Variants in PLCB1 observed in about 807,000 individuals in gnomAD.
PLCB1 encodes the protein phospholipase C beta 1.
A neutral mutation model predicts 161.8 loss-of-function variants in PLCB1; 46 were observed. The ratio of observed to expected loss-of-function variants is 0.28; its 90% CI spans 0.22 to 0.36. PLCB1 has a LOEUF of 0.36. Ranked by LOEUF, PLCB1 falls within the 10% of genes least tolerant of loss-of-function variation. The pLI is 1.00. For synonymous variants in PLCB1, 517 were observed against 503.7 expected (o/e 1.03, Z -0.35); for missense variants, 1,016 against 1,472.5 (o/e 0.69, Z 5.07).
At chr20:8,226,995 C>T (rs1234673631) in intron 2 of PLCB1, among the ~76,000 whole-genome samples, 1 of 152,080 alleles carries the variant, frequency 6.6e-6, no homozygotes, top group Non-Finnish European at 1.5e-5. Context: ...CCAAGTAAAA[C>T]CAATTTTTAA....
chr20:8,430,868 G>A (rs932919995), intron 3 of PLCB1, among the ~76,000 whole-genome samples: 1 of 152,070 alleles, frequency 6.6e-6, no homozygotes, highest in African/African-American at 2.4e-5. Context: ...TGAGGCAGGA[G>A]GCTCTCTTGA....
intron 9 of PLCB1, among the ~76,000 whole-genome samples, chr20:8,677,269 A>T (rs949261761): frequency 6.6e-6 from 1 of 151,934 alleles, no homozygotes; most frequent in African/African-American, 2.4e-5. Context: ...ATGGTGGTGC[A>T]TGCCTGTAAT....
rs776762609 is a variant in PLCB1, at chr20:8,765,170, G to A, written c.2742G>A (p.Lys914=). 28 of 1,613,728 alleles carry A rather than the reference G, an allele frequency of 1.7e-5. 1 individual carries two copies. The Admixed American group carries it at 2.3e-4, about 13-fold the overall frequency. Residue 914 remains lysine, a synonymous_variant, in exon 26 of 32, where the codon AAG becomes AAA. Transcript: ENST00000338037. ...AAGCACAGACCATCGAAGAACTAAA[G>A]CAACAGAAATCGTTTGTGAAACTTC... ...EVEAQTIEEL[K]QQKSFVKLQK...
chr20:8,377,215 G>A (rs1171794724), intron 3 of PLCB1, among the ~76,000 whole-genome samples: 1 of 152,126 alleles, frequency 6.6e-6, no homozygotes, highest in African/African-American at 2.4e-5. Context: ...GCTTTACAGA[G>A]CCATAGTGGG....
chr20:8,644,929 C>A (rs111903345), intron 4 of PLCB1, among the ~76,000 whole-genome samples: 30 of 152,086 alleles, frequency 2.0e-4, no homozygotes, highest in African/African-American at 7.0e-4. Context: ...GATGGTTGCC[C>A]TGTCTGTGTA....
chr20:8,306,159 T>C (rs1984127554), intron 2 of PLCB1, among the ~76,000 whole-genome samples: 1 of 152,256 alleles, frequency 6.6e-6, no homozygotes, highest in African/African-American at 2.4e-5. Context: ...CATTATAGAA[T>C]GAATTGCTTC....
Position 8,851,398 on chromosome 20 carries a change from T to A in PLCB1, c.3424-30224T>A, listed in dbSNP as rs943330514. ...ATGTGTTTGCTTATATAAACTTGCT[T>A]CAACAGGCCACAGTAGCCTAGGAGG... On this transcript the variant is annotated intron_variant, in intron 31 of 31. Transcript: ENST00000338037. Among the ~76,000 whole-genome samples, 24 of 152,356 alleles carry A rather than the reference T, an allele frequency of 1.6e-4. 1 individual carries two copies. Among genetic ancestry groups the A allele is most frequent in the African/African-American group, 5.3e-4 (22 of 41,582 alleles).
chr20:8,162,195 C>G (rs1470931202), intron 2 of PLCB1, among the ~76,000 whole-genome samples: 5 of 152,086 alleles, frequency 3.3e-5, no homozygotes, highest in Admixed American at 2.6e-4. Flanking sequence ...CCAAACATGT[C>G]CTCAGAATTC....
chr20:8,139,276 G>T (rs1476029601), intron 1 of PLCB1, among the ~76,000 whole-genome samples: 2 of 151,726 alleles, frequency 1.3e-5, no homozygotes, highest in Non-Finnish European at 2.9e-5. Flanking sequence ...TTTATTTTTA[G>T]TAGAGACGGG....
At chr20:8,402,587 C>A (rs1482481871) in intron 3 of PLCB1, among the ~76,000 whole-genome samples, 1 of 151,634 alleles carries the variant, frequency 6.6e-6, no homozygotes, top group Non-Finnish European at 1.5e-5. Flanking sequence ...GTAATCCCAG[C>A]ACTTTGGGAG....
At chr20:8,368,528 C>CAAAAAAAA (rs1216338206) in intron 2 of PLCB1, among the ~76,000 whole-genome samples, 20 of 63,790 alleles carry the variant, frequency 3.1e-4, no homozygotes, top group African/African-American at 9.0e-4. Flanking sequence ...CTCTGTCTCT[C>CAAAAAAAA]AAAAAAAAAA....
intron 31 of PLCB1, among the ~76,000 whole-genome samples, chr20:8,795,851 G>A (rs977320742): frequency 2.0e-5 from 3 of 147,922 alleles, no homozygotes; most frequent in Admixed American, 6.8e-5. Context: ...TTCAAGCCTG[G>A]GCGACTGAGT....
chr20:8,176,166 G>T (rs562516898), intron 2 of PLCB1, among the ~76,000 whole-genome samples: 4 of 152,234 alleles, frequency 2.6e-5, no homozygotes, highest in Non-Finnish European at 5.9e-5. Context: ...TGTTTTAAAA[G>T]TATGTTCACA....
intron 27 of PLCB1, among the ~76,000 whole-genome samples, chr20:8,776,698 T>G (rs1156407565): frequency 1.3e-5 from 2 of 152,176 alleles, no homozygotes; most frequent in Non-Finnish European, 2.9e-5. Context: ...AACAAATGCT[T>G]ATTAGACACC....
chr20:8,585,468 A>G (rs956544140), intron 3 of PLCB1, among the ~76,000 whole-genome samples: 1 of 152,024 alleles, frequency 6.6e-6, no homozygotes, highest in Non-Finnish European at 1.5e-5. Flanking sequence ...AGAACTAGAA[A>G]CTCTTCTTTC....
At chr20:8,587,180 ATATATAT>A (rs1987017389) in intron 3 of PLCB1, among the ~76,000 whole-genome samples, 1 of 143,312 alleles carries the variant, frequency 7.0e-6, no homozygotes, top group South Asian at 2.4e-4. Context: ...CAATTAAAAA[ATATATAT>A]ATATATATGA....
intron 2 of PLCB1, among the ~76,000 whole-genome samples, chr20:8,354,768 C>T (rs1054727460): frequency 6.6e-5 from 10 of 152,138 alleles, no homozygotes; most frequent in Admixed American, 6.6e-4. Flanking sequence ...CTCACAACAG[C>T]ATTATATGCT....
At chr20:8,690,661 A>G (rs1003700618) in intron 10 of PLCB1, among the ~76,000 whole-genome samples, 1 of 152,198 alleles carries the variant, frequency 6.6e-6, no homozygotes, top group Non-Finnish European at 1.5e-5. Flanking sequence ...GAGGTTACGA[A>G]TCTTGTGACT....
At chr20:8,729,295 A>C (rs1980105327) in intron 18 of PLCB1, 121 bp downstream of exon 18, 1 of 858,890 alleles carries the variant, frequency 1.2e-6, no homozygotes, top group Non-Finnish European at 1.7e-6. Flanking sequence ...AATAAAAGCA[A>C]ATTTCAATGA....
Sources: allele counts gnomAD v4.1 joint callset (sites outside exome capture counted in the v4.1 genomes callset), GRCh38; gene constraint gnomAD v4.1.1; transcripts MANE v1.5; gene names NCBI Gene and HGNC (gene_info 2026-07-23, HGNC 2026-07-21).